NTRK2: variants seen among roughly 807,000 people sequenced by gnomAD.
NTRK2 encodes the protein BDNF/NT-3 growth factors receptor.
A neutral mutation model predicts 94.5 loss-of-function variants in NTRK2; 13 were observed. That is an observed-to-expected ratio of 0.14 (90% CI 0.09 to 0.22). The LOEUF is 0.22. Ranked by LOEUF, NTRK2 falls within the 10% of genes least tolerant of loss-of-function variation. The probability of loss-of-function intolerance (pLI) is 1.00; values close to 1 mark genes in which losing one functional copy is unlikely to be tolerated. For missense variants in NTRK2, 639 were observed against 1,071.2 expected, an observed-to-expected ratio of 0.60 and a Z score of 5.63; for synonymous variants, 372 against 407.4, an observed-to-expected ratio of 0.91 and a Z score of 1.05.
At chr9:84,854,342 T>C (rs1407488004) in intron 12 of NTRK2, among the ~76,000 whole-genome samples, 1 of 152,164 alleles carries the variant, frequency 6.6e-6, no homozygotes, top group African/African-American at 2.4e-5. Flanking sequence ...GTTTCACTTC[T>C]TGACTACTCC....
At chr9:84,901,293 G>T (rs1247779603) in intron 14 of NTRK2, among the ~76,000 whole-genome samples, 1 of 150,554 alleles carries the variant, frequency 6.6e-6, no homozygotes, top group Non-Finnish European at 1.5e-5. Context: ...TGTGATCTTG[G>T]CTCACTGCAA....
At chr9:84,716,708 A>G (rs1452234735) in intron 6 of NTRK2, among the ~76,000 whole-genome samples, 1 of 152,216 alleles carries the variant, frequency 6.6e-6, no homozygotes, top group Non-Finnish European at 1.5e-5. Context: ...AGCAAACCAC[A>G]CAGTGGATCG....
chr9:85,024,254 C>G lies in NTRK2; in HGVS notation c.*2817C>G. 4.3e-6 allele frequency: 1 copy of G among 232,806 alleles called. No individual in the cohort carries two copies. Among genetic ancestry groups the G allele is most frequent in the Admixed American group, 5.6e-5 (1 of 17,784 alleles). 14.4% of individuals were successfully genotyped at this position (232,806 alleles called of 1,614,324 possible). On this transcript the variant is annotated 3_prime_UTR_variant, in exon 19 of 19. Coordinates refer to ENST00000277120, the MANE Select transcript of NTRK2 (RefSeq NM_006180.6). Reference sequence around the variant, plus strand: ...TCTGAAATTATTCATTGTTGTTCCTCCACCACCCCCTTTCTCATGGTCTGA... The same window carrying G: ...TCTGAAATTATTCATTGTTGTTCCTGCACCACCCCCTTTCTCATGGTCTGA...
chr9:84,695,509 A>G (rs2060323620), intron 2 of NTRK2, among the ~76,000 whole-genome samples: 1 of 152,238 alleles, frequency 6.6e-6, no homozygotes, highest in African/African-American at 2.4e-5. Flanking sequence ...GCCAGCTATA[A>G]GCTTTTTGTT....
At chr9:84,692,316 C>T (rs1249953157) in intron 2 of NTRK2, among the ~76,000 whole-genome samples, 3 of 152,152 alleles carry the variant, frequency 2.0e-5, no homozygotes, top group Non-Finnish European at 4.4e-5. Context: ...TTGGCTATGT[C>T]TGTGCAAGTA....
chr9:85,024,841 A>G lies in NTRK2; in HGVS notation c.*3404A>G, dbSNP rs1042855280. On this transcript the variant is annotated 3_prime_UTR_variant, in exon 19 of 19. Transcript: ENST00000277120. ...AACACTTTGAACTATGCTATAAAAG[A>G]TTATATCAGAATTCATATTATACAT... 4.7e-5 allele frequency: 11 copies of G among 232,904 alleles called. No homozygotes were observed. The highest frequency in any genetic ancestry group is 2.4e-4 in the African/African-American group (11 of 45,340). 14.4% of individuals were successfully genotyped at this position (232,904 alleles called of 1,614,324 possible).
At chr9:84,671,107 C>T in intron 2 of NTRK2, 147 bp downstream of exon 2, 1 of 786,486 alleles carries the variant, frequency 1.3e-6, no homozygotes, top group Non-Finnish European at 2.2e-6. Context: ...TGTCAGTTAC[C>T]TGCTGTTTCA....
intron 10 of NTRK2, among the ~76,000 whole-genome samples, chr9:84,744,295 G>A (rs182219713): frequency 2.0e-5 from 3 of 152,152 alleles, no homozygotes; most frequent in African/African-American, 7.2e-5. Flanking sequence ...AGAACAGAGC[G>A]TTAACAATTC....
chr9:84,975,476 A>AG (rs1370083701), intron 17 of NTRK2, among the ~76,000 whole-genome samples: 4 of 152,188 alleles, frequency 2.6e-5, no homozygotes, highest in Non-Finnish European at 5.9e-5. Flanking sequence ...GGCAGACTAA[A>AG]GGGGGTCTCA....
intron 14 of NTRK2, among the ~76,000 whole-genome samples, chr9:84,905,597 A>C (rs1180606432): frequency 2.0e-5 from 3 of 152,294 alleles, no homozygotes; most frequent in African/African-American, 7.2e-5. Flanking sequence ...GAAAACATGA[A>C]ATTTTAGGTG....
At chr9:84,821,815 TAGAGAGAGAGAG>T (rs55923826) in intron 12 of NTRK2, among the ~76,000 whole-genome samples, 314 of 147,446 alleles carry the variant, frequency 2.1e-3, no homozygotes, top group South Asian at 4.2e-3. Context: ...GGGAGAGAAG[TAGAGAGAGAGAG>T]AGAGAGAGAG....
At chr9:84,740,969 G>A (rs1219543213) in intron 9 of NTRK2, among the ~76,000 whole-genome samples, 2 of 152,164 alleles carry the variant, frequency 1.3e-5, no homozygotes, top group Non-Finnish European at 2.9e-5. Context: ...TGTTTCACAT[G>A]GCAAGTGAGG....
At chr9:84,973,152 A>G (rs977029598) in intron 17 of NTRK2, among the ~76,000 whole-genome samples, 15 of 152,222 alleles carry the variant, frequency 9.9e-5, no homozygotes, top group African/African-American at 3.6e-4. Flanking sequence ...GTCACAGAGA[A>G]GAGAATGTTC....
intron 15 of NTRK2, among the ~76,000 whole-genome samples, chr9:84,937,533 A>G (rs1489162627): frequency 6.6e-6 from 1 of 152,238 alleles, no homozygotes; most frequent in Non-Finnish European, 1.5e-5. Context: ...TTGAGGGCAC[A>G]CAGAGCTGAG....
chr9:84,736,893 G>T (rs2063300773), intron 9 of NTRK2, among the ~76,000 whole-genome samples: 1 of 152,232 alleles, frequency 6.6e-6, no homozygotes, highest in Non-Finnish European at 1.5e-5. Context: ...CAGGCGCTGA[G>T]TTCAGCCTGC....
chr9:84,968,691 T>C (rs1325264111), intron 17 of NTRK2, among the ~76,000 whole-genome samples: 2 of 152,236 alleles, frequency 1.3e-5, no homozygotes, highest in African/African-American at 2.4e-5. Context: ...ACCTTACTTC[T>C]CATCTTAGTA....
chr9:84,671,655 T>A (rs1271889004), intron 2 of NTRK2, among the ~76,000 whole-genome samples: 1 of 152,226 alleles, frequency 6.6e-6, no homozygotes, highest in East Asian at 1.9e-4. Flanking sequence ...ACCACTTGGA[T>A]TATAACTCTT....
intron 12 of NTRK2, among the ~76,000 whole-genome samples, chr9:84,856,594 T>A (rs1263950782): frequency 1.3e-5 from 2 of 152,164 alleles, no homozygotes; most frequent in Non-Finnish European, 2.9e-5. Context: ...TCTGGTCCAT[T>A]CTCTCCCTGA....
intron 12 of NTRK2, among the ~76,000 whole-genome samples, chr9:84,779,674 T>G (rs1022019251): frequency 6.6e-6 from 1 of 152,188 alleles, no homozygotes; most frequent in Non-Finnish European, 1.5e-5. Context: ...AACATCACAG[T>G]AGTTGTGGGT....
Sources: allele counts gnomAD v4.1 joint callset (sites outside exome capture counted in the v4.1 genomes callset), GRCh38; gene constraint gnomAD v4.1.1; transcripts MANE v1.5; gene names NCBI Gene and HGNC (gene_info 2026-07-23, HGNC 2026-07-21).